Variants in MEGF10 observed in about 807,000 individuals in gnomAD.
MEGF10 encodes the protein multiple epidermal growth factor-like domains protein 10.
MEGF10 carries 86 observed loss-of-function variants against 147.5 expected under a neutral mutation model. The observed-to-expected ratio is 0.58, with a 90% CI of 0.49 to 0.70. MEGF10 has a LOEUF of 0.70. MEGF10 is among the 30% of genes least tolerant of loss of function. The probability of loss-of-function intolerance (pLI) is 0.00; values close to 1 mark genes in which losing one functional copy is unlikely to be tolerated. For missense variants in MEGF10, 1,329 were observed against 1,487.3 expected (o/e 0.89, Z 1.75); for synonymous variants, 478 against 525.5 (o/e 0.91, Z 1.24).
chr5:127,327,368 A>G (rs924616614), intron 1 of MEGF10, among the ~76,000 whole-genome samples: 2 of 152,230 alleles, frequency 1.3e-5, no homozygotes, highest in Non-Finnish European at 2.9e-5. Context: ...GGGTGAGGGT[A>G]GCCAACACCC....
chr5:127,274,191 G>T, the MEGF10 span, among the ~76,000 whole-genome samples: 101 of 151,614 alleles, frequency 6.7e-4, no homozygotes, highest in African/African-American at 2.4e-3. Flanking sequence ...CAGTATCATG[G>T]GGAAAAAAAG....
chr5:127,379,594 C>CTTT (rs36030791), intron 5 of MEGF10, among the ~76,000 whole-genome samples: 2,326 of 90,272 alleles, frequency 0.026, 17 homozygotes, highest in South Asian at 0.051. Context: ...TGGCCAGCTT[C>CTTT]TTTTTTTTTT....
At chr5:127,245,796 A>C in the MEGF10 span, among the ~76,000 whole-genome samples, 1 of 152,218 alleles carries the variant, frequency 6.6e-6, no homozygotes, top group Non-Finnish European at 1.5e-5. Context: ...TGGGTGAAGG[A>C]TATGAACAGA....
At chr5:127,283,899 G>T in the MEGF10 span, among the ~76,000 whole-genome samples, 3 of 152,006 alleles carry the variant, frequency 2.0e-5, no homozygotes, top group African/African-American at 4.8e-5. Flanking sequence ...AACTTTTTTT[G>T]GGGGAAAACA....
intron 9 of MEGF10, among the ~76,000 whole-genome samples, chr5:127,412,211 C>T (rs1008269227): frequency 2.6e-5 from 4 of 152,000 alleles, no homozygotes; most frequent in Non-Finnish European, 5.9e-5. Context: ...CCAAATAATC[C>T]GAATATTTTA....
rs184658019 is a variant in MEGF10, at chr5:127,386,083, A to T, written c.413-10449A>T. Among the ~76,000 whole-genome samples, 37 of 152,328 alleles carry T rather than the reference A, an allele frequency of 2.4e-4. No individual in the cohort carries two copies. The East Asian group carries it at 5.2e-3, about 21-fold the overall frequency. On this transcript the variant is annotated intron_variant, in intron 5 of 24. Coordinates refer to ENST00000503335, the MANE Select transcript of MEGF10 (RefSeq NM_001256545.2). ...TGTTTGTGCCACTGCACTCCAGTCT[A>T]GGTAGCACAGTGAGAACCTGTCTCT...
At chr5:127,254,392 A>C in the MEGF10 span, among the ~76,000 whole-genome samples, 1 of 152,172 alleles carries the variant, frequency 6.6e-6, no homozygotes, top group African/African-American at 2.4e-5. Flanking sequence ...TCCTTTTATA[A>C]TAGAAATGAA....
At chr5:127,428,237 A>G (rs1237721281) in intron 13 of MEGF10, among the ~76,000 whole-genome samples, 1 of 144,362 alleles carries the variant, frequency 6.9e-6, no homozygotes, top group South Asian at 2.1e-4. Context: ...TTGTTGAACT[A>G]TATAAAGCAG....
At chr5:127,384,290 A>G (rs1763355052) in intron 5 of MEGF10, among the ~76,000 whole-genome samples, 1 of 152,258 alleles carries the variant, frequency 6.6e-6, no homozygotes, top group African/African-American at 2.4e-5. Context: ...CTTCGTAGCC[A>G]GAGAAGATGC....
the MEGF10 span, among the ~76,000 whole-genome samples, chr5:127,257,545 T>C: frequency 1.3e-5 from 2 of 152,160 alleles, no homozygotes; most frequent in African/African-American, 4.8e-5. Flanking sequence ...ATAAAAAGGA[T>C]TACCTTTGTA....
chr5:127,417,914 A>G, intron 10 of MEGF10, 102 bp downstream of exon 10: 2 of 1,193,624 alleles, frequency 1.7e-6, no homozygotes, highest in South Asian at 1.4e-5. Flanking sequence ...TGAATGTGCT[A>G]AAGTCATCCA....
chr5:127,352,372 A>C (rs1009635957), intron 4 of MEGF10, among the ~76,000 whole-genome samples: 7 of 152,218 alleles, frequency 4.6e-5, no homozygotes, highest in African/African-American at 1.4e-4. Context: ...TTAAAAACTT[A>C]TGTTTATTGC....
At chr5:127,389,508 A>G (rs528123663) in intron 5 of MEGF10, among the ~76,000 whole-genome samples, 1 of 152,356 alleles carries the variant, frequency 6.6e-6, no homozygotes, top group Admixed American at 6.5e-5. Flanking sequence ...TAGCAAAGAC[A>G]TGGAATCAAC....
At chr5:127,286,488 A>G (rs1208884832), upstream of MEGF10, among the ~76,000 whole-genome samples, 1 of 152,078 alleles carries the variant, frequency 6.6e-6, no homozygotes, top group African/African-American at 2.4e-5. Flanking sequence ...TGGAAATTAA[A>G]TTACAGTGTT....
chr5:127,450,193 C>T (rs569031261), intron 22 of MEGF10, among the ~76,000 whole-genome samples: 112 of 149,612 alleles, frequency 7.5e-4, no homozygotes, highest in Admixed American at 2.9e-3. Flanking sequence ...AGAGTGAAAA[C>T]GGCAAATATT....
rs184016557 is a variant in MEGF10 at position 127,301,283 on chromosome 5, G to A, written c.-19+10227G>A. ...GACCCTTGTCCTCCATCAGTGTGGCGCTGCATATATTATACTAAAGTGAGC... is the reference window on the plus strand; with the variant it reads ...GACCCTTGTCCTCCATCAGTGTGGCACTGCATATATTATACTAAAGTGAGC... On this transcript the variant is annotated intron_variant, in intron 1 of 24. Coordinates refer to ENST00000503335, the MANE Select transcript of MEGF10 (RefSeq NM_001256545.2). Among the ~76,000 whole-genome samples, 236 of 152,242 alleles carry A rather than the reference G, an allele frequency of 1.6e-3. 1 individual carries two copies. Among genetic ancestry groups the A allele is most frequent in the African/African-American group, 5.2e-3 (215 of 41,548 alleles).
intron 2 of MEGF10, among the ~76,000 whole-genome samples, chr5:127,335,415 G>C (rs546758166): frequency 1.3e-5 from 2 of 152,288 alleles, no homozygotes; most frequent in East Asian, 1.9e-4. Flanking sequence ...GTTAGCAGAG[G>C]AACTAATTAA....
At chr5:127,387,593 G>A (rs1763480236) in intron 5 of MEGF10, among the ~76,000 whole-genome samples, 1 of 152,192 alleles carries the variant, frequency 6.6e-6, no homozygotes, top group Admixed American at 6.5e-5. Flanking sequence ...GGGGTGTTCA[G>A]CGTGGCATAA....
intron 4 of MEGF10, among the ~76,000 whole-genome samples, chr5:127,351,883 G>T (rs1762101825): frequency 6.6e-6 from 1 of 152,170 alleles, no homozygotes; most frequent in Non-Finnish European, 1.5e-5. Context: ...ATTTACAAAG[G>T]TATGGTCTTC....
Sources: allele counts gnomAD v4.1 joint callset (sites outside exome capture counted in the v4.1 genomes callset), GRCh38; gene constraint gnomAD v4.1.1; transcripts MANE v1.5; gene names NCBI Gene and HGNC (gene_info 2026-07-23, HGNC 2026-07-21).